FLT3: variants seen among roughly 807,000 people sequenced by gnomAD.
The protein encoded by FLT3 is fms related receptor tyrosine kinase 3, also known as receptor-type tyrosine-protein kinase FLT3.
Under a neutral mutation model 126.6 loss-of-function variants are expected in FLT3, and 46 were observed. That is an observed-to-expected ratio of 0.36 (90% CI 0.29 to 0.46). The LOEUF is 0.46. FLT3 is among the 20% of genes least tolerant of loss of function. The probability of loss-of-function intolerance (pLI) is 1.00; values close to 1 mark genes in which losing one functional copy is unlikely to be tolerated. For synonymous variants in FLT3, 404 were observed against 434.4 expected (o/e 0.93, Z 0.87); for missense variants, 1,069 against 1,190.3 (o/e 0.90, Z 1.50).
At chr13:28,057,039 C>G (rs1876074621) in intron 4 of FLT3, among the ~76,000 whole-genome samples, 1 of 152,224 alleles carries the variant, frequency 6.6e-6, no homozygotes, top group African/African-American at 2.4e-5. Flanking sequence ...CAGAGGTCTT[C>G]TGATTCCAAG....
chr13:28,078,039 G>A (rs1401109631), intron 1 of FLT3, among the ~76,000 whole-genome samples: 3 of 152,206 alleles, frequency 2.0e-5, no homozygotes, highest in African/African-American at 7.2e-5. Flanking sequence ...CTGTGGCTTT[G>A]CAGGGTACAG....
intron 1 of FLT3, among the ~76,000 whole-genome samples, chr13:28,084,746 A>G (rs1029305881): frequency 6.6e-6 from 1 of 151,566 alleles, no homozygotes; most frequent in Admixed American, 6.6e-5. Flanking sequence ...GAGGCCGAGG[A>G]GGGCGGATCA....
chr13:28,027,112 G>A lies in FLT3; in HGVS notation c.2183C>T (p.Thr728Ile), dbSNP rs775634768. The change falls in exon 17 of 24, where the codon ACT (threonine) becomes ATT (isoleucine). Residue 728 changes from threonine (T) to isoleucine (I), a missense_variant. Transcript: ENST00000241453. ...CCTGGAATTTGGATGTGATTGGAAAGTGGGGTAAAAACTGAAATTGTGTTC... is the reference window on the plus strand; with the variant it reads ...CCTGGAATTTGGATGTGATTGGAAAATGGGGTAAAAACTGAAATTGTGTTC... ...FKEHNFSFYP[T>I]FQSHPNSSMP... The A allele has an allele frequency of 3.1e-6, 5 of 1,613,700 alleles. No homozygotes were observed. In the South Asian group the frequency reaches 5.5e-5, roughly 18 times the overall value.
chr13:28,088,440 A>G (rs7338746), intron 1 of FLT3, among the ~76,000 whole-genome samples: 14,526 of 151,982 alleles, frequency 0.096, 2,312 homozygotes, highest in African/African-American at 0.33. Context: ...GGTGCACACC[A>G]CCATGCCTGG....
chr13:28,088,874 C>T (rs1362685660), intron 1 of FLT3, among the ~76,000 whole-genome samples: 1 of 152,064 alleles, frequency 6.6e-6, no homozygotes, highest in Non-Finnish European at 1.5e-5. Context: ...GTGAGCTGCC[C>T]ACCCAGCCCA....
At chr13:28,098,271 C>T (rs953443132) in intron 1 of FLT3, among the ~76,000 whole-genome samples, 25 of 145,864 alleles carry the variant, frequency 1.7e-4, no homozygotes, top group African/African-American at 2.9e-4. Context: ...GCTGAGATCG[C>T]GCCACTACAC....
intron 15 of FLT3, among the ~76,000 whole-genome samples, chr13:28,028,611 C>A (rs1267959740): frequency 2.6e-5 from 4 of 152,040 alleles, no homozygotes; most frequent in Admixed American, 2.6e-4. Context: ...GCAGGAGAAT[C>A]GCTTGAATGT....
chr13:28,071,200 G>T (rs1241071503), intron 1 of FLT3, among the ~76,000 whole-genome samples: 1 of 150,996 alleles, frequency 6.6e-6, no homozygotes, highest in Non-Finnish European at 1.5e-5. Flanking sequence ...AGTAGAGACG[G>T]GGTATCGCCA....
chr13:28,031,636 G>T (rs1294394629), intron 15 of FLT3, among the ~76,000 whole-genome samples: 3 of 152,172 alleles, frequency 2.0e-5, no homozygotes, highest in African/African-American at 7.2e-5. Flanking sequence ...AGAGGAAGTG[G>T]TGTTTAAGCT....
intron 9 of FLT3, among the ~76,000 whole-genome samples, chr13:28,042,486 GT>G (rs201085263): frequency 0.01 from 1,124 of 109,036 alleles, 6 homozygotes; most frequent in Non-Finnish European, 0.016. Flanking sequence ...GGAATTATGT[GT>G]TTTTTTAAGG....
intron 23 of FLT3, among the ~76,000 whole-genome samples, chr13:28,014,113 A>G (rs1871621091): frequency 6.6e-6 from 1 of 152,040 alleles, no homozygotes; most frequent in African/African-American, 2.4e-5. Flanking sequence ...TTCTACAAAA[A>G]ATAAAAAACT....
At chr13:28,091,670 C>G (rs1278819227) in intron 1 of FLT3, among the ~76,000 whole-genome samples, 3 of 152,078 alleles carry the variant, frequency 2.0e-5, no homozygotes, top group Non-Finnish European at 4.4e-5. Context: ...TGCAGTGGCT[C>G]ACGCCTGTAA....
intron 18 of FLT3, among the ~76,000 whole-genome samples, 173 bp from the exon 19 acceptor site, chr13:28,023,650 C>T (rs1872585674): frequency 6.6e-6 from 1 of 152,170 alleles, no homozygotes; most frequent in Admixed American, 6.5e-5. Flanking sequence ...TATGAAGGGT[C>T]ACTGGAGACT....
rs1250357064 is a variant in FLT3, at chr13:28,100,084, C to T, written c.43+384G>A. Among the ~76,000 whole-genome samples, 2 of 152,144 alleles carry T rather than the reference C, an allele frequency of 1.3e-5. No homozygotes were observed. The highest frequency in any genetic ancestry group is 2.9e-5 in the Non-Finnish European group (2 of 68,018). On this transcript the variant is annotated intron_variant, in intron 1 of 23. Transcript: ENST00000241453. This position sits in a 1 kb window ranked among gnomAD's most constrained non-coding sequence, Gnocchi z 4.8. The stretch of plus-strand genomic sequence containing the variant: ...GGCCGGGCCAGGAGAGGTCCTTGGC[C>T]ACCTGGCGCCGAGTTCGCGGCCGCA...
intron 1 of FLT3, among the ~76,000 whole-genome samples, chr13:28,088,428 C>T (rs2137821722): frequency 6.6e-6 from 1 of 152,134 alleles, no homozygotes; most frequent in Non-Finnish European, 1.5e-5. Context: ...GCTGGAATTA[C>T]AGGTGCACAC....
intron 1 of FLT3, among the ~76,000 whole-genome samples, chr13:28,091,759 A>T (rs1166564471): frequency 6.6e-6 from 1 of 151,926 alleles, no homozygotes; most frequent in Non-Finnish European, 1.5e-5. Context: ...ACACAGCAAG[A>T]CCTCATCTCT....
intron 3 of FLT3, among the ~76,000 whole-genome samples, chr13:28,058,215 AAAAAC>A (rs1259062315): frequency 5.4e-5 from 5 of 93,212 alleles, no homozygotes; most frequent in Non-Finnish European, 1.2e-4. Context: ...ATTAAAAAAA[AAAAAC>A]AAAAAAAAAA....
At chr13:28,056,042 T>C (rs773840407) in intron 4 of FLT3, among the ~76,000 whole-genome samples, 5 of 152,186 alleles carry the variant, frequency 3.3e-5, no homozygotes, top group Non-Finnish European at 7.3e-5. Flanking sequence ...CTTTAGCTCA[T>C]GTATACCTTA....
intron 6 of FLT3, 114 bp downstream of exon 6, chr13:28,049,981 A>T: frequency 7.8e-7 from 1 of 1,275,548 alleles, no homozygotes; most frequent in Non-Finnish European, 1.1e-6. Flanking sequence ...CTGTGACCTG[A>T]AGGAATGATA....
Sources: gnomAD v4.1 joint callset for allele counts (sites outside exome capture counted in the v4.1 genomes callset) on GRCh38, gnomAD v4.1.1 for gene constraint, Gnocchi (gnomAD v3.1) non-coding constraint, MANE v1.5 for transcripts, NCBI Gene and HGNC (gene_info 2026-07-23, HGNC 2026-07-21) for gene names.